The following CEACAM16 variants were observed in gnomAD, a reference collection of about 807,000 sequenced individuals.
CEACAM16 encodes the protein cell adhesion molecule CEACAM16.
In CEACAM16, 30 loss-of-function variants were observed where a neutral mutation model predicts 39.4. That is an observed-to-expected ratio of 0.76 (90% confidence interval 0.57 to 1.03). The LOEUF is 1.03. CEACAM16 is among the 50% of genes least tolerant of loss of function. CEACAM16 has a pLI of 0.00. For missense variants in CEACAM16, 521 were observed against 585.3 expected (o/e 0.89, Z 1.13); for synonymous variants, 262 against 264.9 (o/e 0.99, Z 0.11).
In CEACAM16 at chr19:44,705,775, A is replaced by C; in HGVS notation, c.847A>C (p.Met283Leu). ...NGQDHLNISS[M>L]TAAQEGTYTC... ...CCAAGACCACCTCAACATCAGCAGCATGACAGCCGCCCAGGAGGGGACGTA... is the reference window on the plus strand; with the variant it reads ...CCAAGACCACCTCAACATCAGCAGCCTGACAGCCGCCCAGGAGGGGACGTA... Residue 283 changes from methionine (M) to leucine (L), a missense_variant, in exon 5 of 7, where the codon ATG (methionine) becomes CTG (leucine). Transcript: ENST00000587331. The C allele has an allele frequency of 1.2e-6, 2 of 1,614,032 alleles. No homozygotes were observed. Among genetic ancestry groups the C allele is most frequent in the Non-Finnish European group, 1.7e-6 (2 of 1,179,894 alleles).
At chr19:44,710,000 A>G (rs865841647) in intron 6 of CEACAM16, among the ~76,000 whole-genome samples, 2 of 152,080 alleles carry the variant, frequency 1.3e-5, no homozygotes, top group African/African-American at 4.8e-5. Context: ...CAGCAGGGCC[A>G]GGTTTCCCCC....
intron 3 of CEACAM16, 95 bp downstream of exon 3, chr19:44,703,788 A>G (rs970822549): frequency 1.8e-6 from 2 of 1,114,168 alleles, no homozygotes; most frequent in Admixed American, 3.0e-5. Flanking sequence ...AAATCCAACA[A>G]ATCATCAGGG....
chr19:44,703,887 C>T, intron 3 of CEACAM16, 131 bp from the exon 4 acceptor site: 1 of 1,193,442 alleles, frequency 8.4e-7, no homozygotes, highest in Non-Finnish European at 1.2e-6. Context: ...CTCCTAAAAC[C>T]ATTCTTTGTC....
chr19:44,704,412 T>C (rs1974407895), intron 4 of CEACAM16, 116 bp downstream of exon 4: 3 of 1,310,896 alleles, frequency 2.3e-6, no homozygotes, highest in Non-Finnish European at 3.0e-6. Context: ...AAGCTGGGAT[T>C]GGGGACCAGG....
intron 1 of CEACAM16, among the ~76,000 whole-genome samples, chr19:44,700,378 T>C (rs577224874): frequency 1.4e-3 from 216 of 152,284 alleles, no homozygotes; most frequent in African/African-American, 4.9e-3. Context: ...CCTCAGGTGA[T>C]CTGCCCATCT....
In CEACAM16 at chr19:44,703,371, C is replaced by T. The variant is rs560741831; in HGVS notation, c.60C>T (p.Ala20=). ...CAGCCACATTCCTGAATGTGGGGGC[C>T]GAGATCTCTATCACCCTGGAGCCTG... ...LLSATFLNVG[A]EISITLEPAQ... Residue 20 remains alanine (A), a synonymous_variant, in exon 3 of 7, where the codon GCC becomes GCT. Transcript: ENST00000587331. 9.9e-6 allele frequency: 16 copies of T among 1,610,690 alleles called. No individual in the cohort carries two copies. The highest frequency in any genetic ancestry group is 1.2e-5 in the Non-Finnish European group (14 of 1,177,434).
At chr19:44,699,497 C>T (rs949704320) in intron 1 of CEACAM16, 4 of 450,136 alleles carry the variant, frequency 8.9e-6, no homozygotes, top group African/African-American at 8.2e-5. Context: ...CTGCTTCAGC[C>T]TCCCAAGTAG....
rs1974397044 is a variant in CEACAM16 at position 44,704,008 on chromosome 19, GC to G, written c.383-5del. ...CCGGCCCCCTCCCCCTCTGTCTCTT[GC>G]CCCCACAGAGATCCTGGCCCAGCCC... On this transcript the variant is annotated splice_polypyrimidine_tract_variant and intron_variant, in intron 3 of 6. Coordinates refer to ENST00000587331, the MANE Select transcript of CEACAM16 (RefSeq NM_001039213.4). The G allele has an allele frequency of 6.3e-7, 1 of 1,578,680 alleles. No individual in the cohort carries two copies. Among genetic ancestry groups the G allele is most frequent in the East Asian group, 2.3e-5 (1 of 44,058 alleles).
intron 5 of CEACAM16, 57 bp downstream of exon 5, chr19:44,705,925 C>A: frequency 1.3e-6 from 2 of 1,554,542 alleles, no homozygotes; most frequent in Admixed American, 1.8e-5. Flanking sequence ...CATCAGGCTG[C>A]GAAGGTTAAG....
At chr19:44,706,014 G>A in intron 5 of CEACAM16, 146 bp downstream of exon 5, 1 of 1,007,360 alleles carries the variant, frequency 9.9e-7, no homozygotes, top group Non-Finnish European at 1.5e-6. Context: ...GGCATATCAG[G>A]CAGATCTGTT....
chr19:44,700,167 A>G (rs891717988), intron 1 of CEACAM16, among the ~76,000 whole-genome samples: 10 of 152,072 alleles, frequency 6.6e-5, no homozygotes, highest in Non-Finnish European at 1.3e-4. Flanking sequence ...CACCACACCC[A>G]GCTAATTTTT....
intron 6 of CEACAM16, among the ~76,000 whole-genome samples, chr19:44,708,709 G>A (rs1255372450): frequency 1.3e-5 from 2 of 152,080 alleles, no homozygotes; most frequent in Non-Finnish European, 2.9e-5. Flanking sequence ...ATTATTGTGA[G>A]GGCAAAGTTT....
intron 1 of CEACAM16, chr19:44,699,529 A>G: frequency 2.4e-6 from 1 of 417,564 alleles, no homozygotes; most frequent in South Asian, 1.8e-5. Context: ...GGTGCCCGCG[A>G]CCACACCCAG....
chr19:44,703,107 G>A (rs1262210934), intron 2 of CEACAM16, among the ~76,000 whole-genome samples: 1 of 152,178 alleles, frequency 6.6e-6, no homozygotes, highest in Non-Finnish European at 1.5e-5. Context: ...TGTGAGAGTT[G>A]GAAGAACAGA....
In CEACAM16 at chr19:44,704,093, G is replaced by A; in HGVS notation, c.458G>A (p.Cys153Tyr). The change falls in exon 4 of 7, where the codon TGC (cysteine) becomes TAC (tyrosine). Residue 153 changes from cysteine (C) to tyrosine (Y), a missense_variant. Cys to Tyr is a radical substitution (Grantham distance 194). Transcript: ENST00000587331. ...VERRDTLRLM[C>Y]SSPSPTAEVR... Reference sequence around the variant, plus strand: ...CGTCGAGACACCCTGCGCCTTATGTGCAGCAGCCCCAGCCCCACCGCCGAG... The same window carrying A: ...CGTCGAGACACCCTGCGCCTTATGTACAGCAGCCCCAGCCCCACCGCCGAG... The A allele has an allele frequency of 6.2e-7, 1 of 1,607,404 alleles. No individual in the cohort carries two copies. Among genetic ancestry groups the A allele is most frequent in the Non-Finnish European group, 8.5e-7 (1 of 1,178,040 alleles).
intron 6 of CEACAM16, among the ~76,000 whole-genome samples, chr19:44,709,312 T>C (rs370296854): frequency 0.023 from 1,673 of 74,086 alleles, no homozygotes; most frequent in Middle Eastern, 0.078. Flanking sequence ...GGGACCATGT[T>C]TCCTCCATCA....
chr19:44,700,556 G>A (rs1052882643), intron 1 of CEACAM16, among the ~76,000 whole-genome samples: 1 of 152,194 alleles, frequency 6.6e-6, no homozygotes, highest in Non-Finnish European at 1.5e-5. Context: ...TGGGATGACA[G>A]GCATGAGCCA....
intron 4 of CEACAM16, 122 bp downstream of exon 4, chr19:44,704,418 C>T: frequency 8.0e-7 from 1 of 1,253,774 alleles, no homozygotes; most frequent in Non-Finnish European, 1.1e-6. Context: ...GGATTGGGGA[C>T]CAGGGACCCC....
Position 44,699,469 on chromosome 19 carries a change from AG to A in CEACAM16, c.-97+212del, listed in dbSNP as rs368193409. 3.7e-5 allele frequency: 17 copies of A among 465,474 alleles called. 1 individual carries two copies. The highest frequency in any genetic ancestry group is 1.8e-4 in the African/African-American group (9 of 49,292). 28.8% of individuals were successfully genotyped at this position (465,474 alleles called of 1,614,324 possible). Reference sequence around the variant, plus strand: ...GAGATGGAGTTTCACTCTTTTGCCCAGGGTTCAAGCAATTCTCCTGCTTCAG... The same window carrying A: ...GAGATGGAGTTTCACTCTTTTGCCCAGGTTCAAGCAATTCTCCTGCTTCAG... On this transcript the variant is annotated intron_variant, in intron 1 of 6. Coordinates refer to ENST00000587331, the MANE Select transcript of CEACAM16 (RefSeq NM_001039213.4).
Sources: allele counts gnomAD v4.1 joint callset (sites outside exome capture counted in the v4.1 genomes callset), GRCh38; gene constraint gnomAD v4.1.1; transcripts MANE v1.5; gene names NCBI Gene and HGNC (gene_info 2026-07-23, HGNC 2026-07-21).